EEF2K: variants seen among roughly 807,000 people sequenced by gnomAD.
EEF2K encodes eukaryotic elongation factor 2 kinase.
Under a neutral mutation model 93.8 loss-of-function variants are expected in EEF2K, and 70 were observed. That is an observed-to-expected ratio of 0.75 (90% CI 0.62 to 0.91). EEF2K has a LOEUF of 0.91. EEF2K is among the 40% of genes least tolerant of loss of function. The pLI is 0.00. For missense variants in EEF2K, 935 were observed against 972.9 expected, an observed-to-expected ratio of 0.96 and a Z score of 0.52; for synonymous variants, 376 against 380.8, an observed-to-expected ratio of 0.99 and a Z score of 0.15.
intron 6 of EEF2K, among the ~76,000 whole-genome samples, chr16:22,256,118 C>T (rs528518549): frequency 1.2e-4 from 18 of 151,096 alleles, no homozygotes; most frequent in East Asian, 5.9e-4. Context: ...TTTTTTGAGA[C>T]GGAGTTTTGC....
chr16:22,254,185 T>G (rs1170374964), intron 6 of EEF2K, among the ~76,000 whole-genome samples: 5 of 152,106 alleles, frequency 3.3e-5, no homozygotes, highest in Admixed American at 3.3e-4. Flanking sequence ...GAGACGTGGT[T>G]GTTTGAGAAG....
At chr16:22,253,637 C>G (rs974128802) in intron 6 of EEF2K, among the ~76,000 whole-genome samples, 10 of 152,074 alleles carry the variant, frequency 6.6e-5, no homozygotes, top group Non-Finnish European at 1.2e-4. Context: ...CCCTCTGCCC[C>G]AGTCACCTCT....
At chr16:22,230,078 T>G (rs2047100557) in intron 2 of EEF2K, among the ~76,000 whole-genome samples, 1 of 152,192 alleles carries the variant, frequency 6.6e-6, no homozygotes, top group Non-Finnish European at 1.5e-5. Flanking sequence ...TCCTGTTTCC[T>G]GTCCTAAGGC....
chr16:22,241,339 C>A (rs1344940086), intron 2 of EEF2K, among the ~76,000 whole-genome samples: 1 of 151,932 alleles, frequency 6.6e-6, no homozygotes, highest in Non-Finnish European at 1.5e-5. Context: ...TGGTATGATA[C>A]CAATCTTATT....
At position 22,225,696 on chromosome 16, in the gene EEF2K, G is replaced by A. The variant is rs762230195; in HGVS notation, c.-34G>A. On this transcript the variant is annotated 5_prime_UTR_variant, in exon 2 of 18. Transcript: ENST00000263026. ...TTGTCCAGTAACTCTGGCTGTGCCG[G>A]ATACTGCTTGGGTAAAACGGGCACC... 1.2e-6 allele frequency: 2 copies of A among 1,608,200 alleles called. No homozygotes were observed. The highest frequency in any genetic ancestry group is 1.7e-6 in the Non-Finnish European group (2 of 1,176,676).
At chr16:22,232,311 C>T (rs2047124111) in intron 2 of EEF2K, among the ~76,000 whole-genome samples, 1 of 152,100 alleles carries the variant, frequency 6.6e-6, no homozygotes, top group African/African-American at 2.4e-5. Flanking sequence ...ACTGCAGCCT[C>T]TAACTCCTGG....
intron 12 of EEF2K, 109 bp from the exon 13 acceptor site, chr16:22,264,709 C>T (rs1738128968): frequency 9.5e-6 from 12 of 1,262,088 alleles, no homozygotes; most frequent in Admixed American, 3.9e-5. Context: ...TAAGGGTCAC[C>T]TAGGAGGGCC....
At chr16:22,249,877 G>A (rs897819783) in intron 4 of EEF2K, among the ~76,000 whole-genome samples, 1 of 151,810 alleles carries the variant, frequency 6.6e-6, no homozygotes, top group African/African-American at 2.4e-5. Context: ...TGCCTCCTGG[G>A]TTCAAGCAAT....
In EEF2K at chr16:22,257,730, C is replaced by T. The variant is rs199872165; in HGVS notation, c.989C>T (p.Pro330Leu). 17 of 1,613,960 alleles carry T rather than the reference C, an allele frequency of 1.1e-5. No homozygotes were observed. In the East Asian group the frequency reaches 2.2e-4, roughly 21 times the overall value. Residue 330 changes from proline (P) to leucine (L), a missense_variant, in exon 9 of 18, where the codon CCC (proline) becomes CTC (leucine). Physicochemically the swap from Pro to Leu is moderately conservative, Grantham distance 98. Transcript: ENST00000263026. ...SMGLAPFDLS[P>L]RERDAVNQNT... is the part of the protein sequence containing the mutation. ...GGCCTTGCTCCCTTTGACCTCTCGC[C>T]CCGGGAGAGGGATGCAGTGAATCAG... is the stretch of plus-strand genomic sequence containing the variant.
rs887892194 is a variant in EEF2K at position 22,285,768 on chromosome 16, C to T, written c.*1772C>T. On this transcript the variant is annotated 3_prime_UTR_variant, in exon 18 of 18. Coordinates refer to ENST00000263026, the MANE Select transcript of EEF2K (RefSeq NM_013302.5). Reference sequence around the variant, plus strand: ...AAAAAGCAGAGTATAACATACAAACCATTCTTAACTATTCATTAAAATGGG... The same window carrying T: ...AAAAAGCAGAGTATAACATACAAACTATTCTTAACTATTCATTAAAATGGG... 1 of 152,552 alleles carries T rather than the reference C, an allele frequency of 6.6e-6. No homozygotes were observed. Among genetic ancestry groups the T allele is most frequent in the Admixed American group, 6.5e-5 (1 of 15,286 alleles). The allele number at this position is 152,552 out of a possible 1,614,324, so 9.4% of individuals were successfully genotyped here.
Position 22,280,200 on chromosome 16 carries a change from G to A in EEF2K, c.1892G>A (p.Cys631Tyr). The A allele has an allele frequency of 6.7e-7, 1 of 1,497,086 alleles. No homozygotes were observed. Among genetic ancestry groups the A allele is most frequent in the South Asian group, 1.4e-5 (1 of 73,622 alleles). The allele number at this position is 1,497,086 out of a possible 1,614,324, so 92.7% of individuals were successfully genotyped here. The change falls in exon 17 of 18, where the codon TGC becomes TAC. Residue 631 changes from cysteine to tyrosine, a missense_variant and splice_region_variant. Physicochemically the swap from Cys to Tyr is radical, Grantham distance 194. Coordinates refer to ENST00000263026, the MANE Select transcript of EEF2K (RefSeq NM_013302.5). The stretch of plus-strand genomic sequence containing the variant: ...TTCCCTCTGTATCTCCTGGCAAGGT[G>A]CCAAGACTGGCTAGAGGCCCTGCAC... The part of the protein sequence containing the change: ...DSGQNLSPDR[C>Y]QDWLEALHWY...
chr16:22,243,397 G>A (rs1412866828), intron 2 of EEF2K, among the ~76,000 whole-genome samples: 2 of 151,572 alleles, frequency 1.3e-5, no homozygotes, highest in Non-Finnish European at 2.9e-5. Context: ...GATTACAAGC[G>A]TGTGCCACCA....
chr16:22,269,875 C>T (rs1167027546), intron 15 of EEF2K, among the ~76,000 whole-genome samples: 2 of 152,232 alleles, frequency 1.3e-5, no homozygotes, highest in East Asian at 3.9e-4. Context: ...CCTACACACA[C>T]ACTCCTGAAC....
At chr16:22,255,633 C>T (rs2047391085) in intron 6 of EEF2K, among the ~76,000 whole-genome samples, 1 of 152,188 alleles carries the variant, frequency 6.6e-6, no homozygotes, top group South Asian at 2.1e-4. Flanking sequence ...GTGGCTGCAG[C>T]TTGTCATCCT....
At chr16:22,214,461 C>A (rs770713630) in intron 1 of EEF2K, among the ~76,000 whole-genome samples, 124 of 151,732 alleles carry the variant, frequency 8.2e-4, no homozygotes, top group Non-Finnish European at 1.5e-4. Flanking sequence ...AGAAAAGAGA[C>A]CAGCCTGGGC....
chr16:22,214,953 G>T (rs2046945361), intron 1 of EEF2K, among the ~76,000 whole-genome samples: 1 of 152,204 alleles, frequency 6.6e-6, no homozygotes, highest in African/African-American at 2.4e-5. Context: ...ATTGCTTACA[G>T]AATTGCCTGG....
In EEF2K at chr16:22,257,248, T is replaced by C. The variant is rs2047411013; in HGVS notation, c.769-5T>C. 1 of 1,614,070 alleles carries C rather than the reference T, an allele frequency of 6.2e-7. No homozygotes were observed. The highest frequency in any genetic ancestry group is 8.5e-7 in the Non-Finnish European group (1 of 1,179,956). ...ACATCTCGTTTTCCTTCCTGTCCCC[T>C]GTAGGCCTTCAGCCACTTCACTTTT... On this transcript the variant is annotated splice_polypyrimidine_tract_variant and splice_region_variant and intron_variant, in intron 7 of 17. Transcript: ENST00000263026.
intron 1 of EEF2K, among the ~76,000 whole-genome samples, chr16:22,216,542 G>A (rs1377098088): frequency 6.6e-6 from 1 of 152,164 alleles, no homozygotes; most frequent in Non-Finnish European, 1.5e-5. Flanking sequence ...GTTAAACTGT[G>A]AGAAACTCAG....
intron 12 of EEF2K, among the ~76,000 whole-genome samples, chr16:22,264,347 G>A (rs2141678716): frequency 6.8e-6 from 1 of 147,538 alleles, no homozygotes; most frequent in African/African-American, 2.5e-5. Context: ...TGGCTCACCT[G>A]CAATTCCAGC....
Sources: allele counts gnomAD v4.1 joint callset (sites outside exome capture counted in the v4.1 genomes callset), GRCh38; gene constraint gnomAD v4.1.1; transcripts MANE v1.5; gene names NCBI Gene and HGNC (gene_info 2026-07-23, HGNC 2026-07-21).